The following MGAT4C variants were observed in gnomAD, a reference collection of about 807,000 sequenced individuals.
MGAT4C encodes alpha-1,3-mannosyl-glycoprotein 4-beta-N-acetylglucosaminyltransferase C.
A neutral mutation model predicts 40.1 loss-of-function variants in MGAT4C; 19 were observed. That is an observed-to-expected ratio of 0.47 (90% confidence interval 0.33 to 0.70). The LOEUF is 0.70. MGAT4C is among the 30% of genes least tolerant of loss of function. MGAT4C has a pLI of 0.02. For missense variants in MGAT4C, 491 were observed against 563.2 expected (o/e 0.87, Z 1.30); for synonymous variants, 181 against 187.1 (o/e 0.97, Z 0.27).
intron 1 of MGAT4C, among the ~76,000 whole-genome samples, chr12:86,185,693 T>A (rs541469641): frequency 6.6e-6 from 1 of 152,274 alleles, no homozygotes; most frequent in Admixed American, 6.5e-5. Context: ...AAAATTTGAA[T>A]CCATATGCCA....
intron 4 of MGAT4C, among the ~76,000 whole-genome samples, chr12:86,289,418 A>AT (rs979562398): frequency 8.1e-5 from 12 of 148,982 alleles, no homozygotes; most frequent in Admixed American, 2.7e-4. Context: ...ATGAGTTGTA[A>AT]TTTTTTTTTT....
At chr12:86,412,125 G>A (rs1239615685) in intron 3 of MGAT4C, among the ~76,000 whole-genome samples, 1 of 152,226 alleles carries the variant, frequency 6.6e-6, no homozygotes, top group East Asian at 1.9e-4. Context: ...GCTTGTAGCA[G>A]GGTTGTAGCC....
At chr12:86,086,181 A>T (rs2135555825) in intron 1 of MGAT4C, among the ~76,000 whole-genome samples, 1 of 152,276 alleles carries the variant, frequency 6.6e-6, no homozygotes, top group African/African-American at 2.4e-5. Flanking sequence ...AAAATGTGGC[A>T]CATATACACC....
intron 2 of MGAT4C, among the ~76,000 whole-genome samples, chr12:86,640,275 C>T (rs1032125257): frequency 6.6e-6 from 1 of 151,732 alleles, no homozygotes; most frequent in African/African-American, 2.4e-5. Flanking sequence ...TTATTCTCAA[C>T]TTAAATGCTA....
chr12:85,974,717 C>T lies in MGAT4C; in HGVS notation c.*4572G>A, dbSNP rs1390526351. On this transcript the variant is annotated 3_prime_UTR_variant, in exon 5 of 5. Transcript: ENST00000611864. ...CAAAAAATAAATGGCAATAACTAAT[C>T]ACATTGAATTTTGTTATGGCCTTTT... The T allele has an allele frequency of 6.7e-6, 1 of 150,366 alleles. No homozygotes were observed. The highest frequency in any genetic ancestry group is 1.5e-5 in the Non-Finnish European group (1 of 66,864). 9.3% of individuals were successfully genotyped at this position (150,366 alleles called of 1,614,324 possible).
At chr12:86,585,043 T>A (rs774368114) in intron 2 of MGAT4C, among the ~76,000 whole-genome samples, 13 of 151,442 alleles carry the variant, frequency 8.6e-5, no homozygotes, top group Non-Finnish European at 1.5e-4. Context: ...GTTCAACCAT[T>A]ATTTTATCTC....
intron 4 of MGAT4C, among the ~76,000 whole-genome samples, chr12:86,328,245 T>C (rs936013541): frequency 9.2e-5 from 14 of 152,288 alleles, no homozygotes; most frequent in Admixed American, 7.9e-4. Flanking sequence ...GAGAAAACAC[T>C]GAACATGTTT....
intron 1 of MGAT4C, among the ~76,000 whole-genome samples, chr12:86,774,315 CTT>C (rs755767593): frequency 1.7e-5 from 1 of 59,326 alleles, no homozygotes; most frequent in Non-Finnish European, 3.8e-5. Context: ...TTCTTTCTTT[CTT>C]TCTTTCTTTC....
At chr12:86,637,950 A>G (rs1963270164) in intron 2 of MGAT4C, among the ~76,000 whole-genome samples, 1 of 151,874 alleles carries the variant, frequency 6.6e-6, no homozygotes, top group Admixed American at 6.6e-5. Flanking sequence ...ATTTTATACT[A>G]TTTGTGCATG....
intron 2 of MGAT4C, among the ~76,000 whole-genome samples, chr12:86,448,756 TTA>T (rs1957379250): frequency 6.6e-6 from 1 of 152,108 alleles, no homozygotes; most frequent in Admixed American, 6.6e-5. Flanking sequence ...TAACTCAACT[TTA>T]TGTGTGTTTA....
At chr12:86,502,770 T>A (rs200468212) in intron 2 of MGAT4C, among the ~76,000 whole-genome samples, 87 of 30,052 alleles carry the variant, frequency 2.9e-3, no homozygotes, top group African/African-American at 4.6e-3. Context: ...CATATATATG[T>A]ATACACGAGT....
chr12:86,136,953 T>C (rs1485323050), intron 1 of MGAT4C, among the ~76,000 whole-genome samples: 4 of 152,166 alleles, frequency 2.6e-5, no homozygotes, highest in African/African-American at 9.7e-5. Context: ...CCCAAAGTGC[T>C]GGGATTACAG....
intron 2 of MGAT4C, among the ~76,000 whole-genome samples, chr12:86,442,498 A>G (rs1335827867): frequency 6.6e-6 from 1 of 152,114 alleles, no homozygotes; most frequent in Non-Finnish European, 1.5e-5. Flanking sequence ...TAAGTGTTTA[A>G]TCCATCTTGA....
intron 1 of MGAT4C, among the ~76,000 whole-genome samples, chr12:86,224,458 T>C (rs1951002284): frequency 6.6e-6 from 1 of 152,138 alleles, no homozygotes; most frequent in Admixed American, 6.5e-5. Context: ...ATGGATGTAA[T>C]TGACATTTAG....
intron 3 of MGAT4C, among the ~76,000 whole-genome samples, chr12:86,394,845 A>G (rs929816694): frequency 2.0e-5 from 3 of 151,548 alleles, no homozygotes; most frequent in African/African-American, 7.3e-5. Flanking sequence ...TGAACTCCTG[A>G]CCTCAGGTGA....
chr12:86,587,661 C>T (rs536774668), intron 2 of MGAT4C, among the ~76,000 whole-genome samples: 5 of 152,144 alleles, frequency 3.3e-5, no homozygotes, highest in East Asian at 3.9e-4. Context: ...AGAGGTCCTT[C>T]ATGTCCCTTG....
intron 2 of MGAT4C, among the ~76,000 whole-genome samples, chr12:86,473,299 T>C (rs1413398110): frequency 1.3e-5 from 2 of 152,082 alleles, no homozygotes; most frequent in Non-Finnish European, 1.5e-5. Flanking sequence ...TGGAGAGCAA[T>C]CACCAAGAAA....
intron 1 of MGAT4C, among the ~76,000 whole-genome samples, chr12:86,226,557 T>C (rs879697877): frequency 5.9e-5 from 9 of 151,984 alleles, no homozygotes; most frequent in Non-Finnish European, 1.3e-4. Context: ...TTTGTTTTAC[T>C]GAGAAAATAG....
intron 1 of MGAT4C, among the ~76,000 whole-genome samples, chr12:86,781,203 G>A (rs989062696): frequency 1.3e-5 from 2 of 152,050 alleles, no homozygotes; most frequent in Non-Finnish European, 2.9e-5. Context: ...TCAAATGGTA[G>A]TTCCATTTTT....
Sources: allele counts gnomAD v4.1 joint callset (sites outside exome capture counted in the v4.1 genomes callset), GRCh38; gene constraint gnomAD v4.1.1; transcripts MANE v1.5; gene names NCBI Gene and HGNC (gene_info 2026-07-23, HGNC 2026-07-21).